Variants in KIAA1217 observed in about 807,000 individuals in gnomAD.
KIAA1217 encodes the protein KIAA1217.
A neutral mutation model predicts 163.9 loss-of-function variants in KIAA1217; 88 were observed. The ratio of observed to expected loss-of-function variants is 0.54; its 90% CI spans 0.45 to 0.64. The LOEUF (loss-of-function observed/expected upper bound fraction) is 0.64, where lower values mean the gene tolerates loss of function less well. Ranked by LOEUF, KIAA1217 falls within the 30% of genes least tolerant of loss-of-function variation. The pLI is 0.00. For missense variants in KIAA1217, 2,372 were observed against 2,475.0 expected (o/e 0.96, Z 0.88); for synonymous variants, 903 against 923.1 (o/e 0.98, Z 0.39).
At chr10:23,975,168 T>C (rs1415561) in intron 1 of KIAA1217, among the ~76,000 whole-genome samples, 36,348 of 152,070 alleles carry the variant, frequency 0.24, 4,696 homozygotes, top group East Asian at 0.47. Flanking sequence ...AGAAACACCA[T>C]GGAAGTCACT....
intron 1 of KIAA1217, among the ~76,000 whole-genome samples, chr10:23,867,131 G>A (rs1840230866): frequency 6.6e-6 from 1 of 151,790 alleles, no homozygotes; most frequent in Admixed American, 6.6e-5. Flanking sequence ...ATAGTTTACT[G>A]AGAATGATGA....
chr10:24,006,623 A>T (rs1847010791), intron 1 of KIAA1217, among the ~76,000 whole-genome samples: 1 of 152,148 alleles, frequency 6.6e-6, no homozygotes, highest in South Asian at 2.1e-4. Flanking sequence ...CATAATTTTG[A>T]AATCTTTAGG....
At position 24,473,928 on chromosome 10, in the gene KIAA1217, G is replaced by C; in HGVS notation, c.1547G>C (p.Gly516Ala). Residue 516 changes from glycine (G) to alanine (A), a missense_variant, in exon 6 of 21, where the codon GGC (glycine) becomes GCC (alanine). Gly to Ala is a moderately conservative substitution (Grantham distance 60, BLOSUM62 0). This residue lies in a region of KIAA1217 where 1,431 missense variants were observed against 1,470.3 expected (regional missense o/e 0.97). Transcript: ENST00000376454. ...CGCCAGGCCTTTAAAAAGGAGCCAG[G>C]CACCTTGGTGTATATAGAAAAGCCA... ...PSRQAFKKEP[G>A]TLVYIEKPRS... 1.9e-6 allele frequency: 3 copies of C among 1,614,160 alleles called. No homozygotes were observed. The highest frequency in any genetic ancestry group is 2.5e-6 in the Non-Finnish European group (3 of 1,180,024).
At chr10:24,414,344 G>C (rs2058054891) in intron 3 of KIAA1217, among the ~76,000 whole-genome samples, 1 of 152,232 alleles carries the variant, frequency 6.6e-6, no homozygotes, top group Non-Finnish European at 1.5e-5. Context: ...AAAGCTGACA[G>C]AATGCACAGA....
intron 1 of KIAA1217, among the ~76,000 whole-genome samples, chr10:23,853,253 G>C (rs183079780): frequency 3.3e-5 from 5 of 152,122 alleles, no homozygotes; most frequent in East Asian, 1.9e-4. Flanking sequence ...AAGGCCTTTT[G>C]TGCATCTATT....
At chr10:24,100,631 C>A (rs2062375840) in intron 2 of KIAA1217, among the ~76,000 whole-genome samples, 1 of 152,158 alleles carries the variant, frequency 6.6e-6, no homozygotes. Flanking sequence ...TAGTTTGTGT[C>A]CTGGCCCAGT....
At chr10:23,711,564 G>T (rs73604411) in intron 1 of KIAA1217, among the ~76,000 whole-genome samples, 21,403 of 152,118 alleles carry the variant, frequency 0.14, 4,448 homozygotes, top group African/African-American at 0.46. Context: ...TTTTGAGCTA[G>T]TAAGTGTGTG....
At chr10:24,339,181 C>A (rs566088411) in intron 2 of KIAA1217, among the ~76,000 whole-genome samples, 1 of 152,236 alleles carries the variant, frequency 6.6e-6, no homozygotes, top group South Asian at 2.1e-4. Flanking sequence ...CTCTAATTAA[C>A]CTCGTTTTGT....
Position 24,406,392 on chromosome 10 carries a change from A to AACACACACACACACAC in KIAA1217, c.553+25338_553+25353dup, listed in dbSNP as rs34564889. 1.5e-3 allele frequency among the ~76,000 whole-genome samples: 196 copies of AACACACACACACACAC among 133,876 alleles called. 1 individual carries two copies. The highest frequency in any genetic ancestry group is 5.9e-3 in the African/African-American group (173 of 29,402). The allele number at this position is 133,876 out of a possible 152,430, so 87.8% of individuals were successfully genotyped here. On this transcript the variant is annotated intron_variant, in intron 3 of 20. Coordinates refer to ENST00000376454, the MANE Select transcript of KIAA1217 (RefSeq NM_019590.5). Reference sequence around the variant, plus strand: ...ATATGCAAAGGTACATTCACACACAAACACACACACACACACACACACACA... The same window carrying AACACACACACACACAC: ...ATATGCAAAGGTACATTCACACACAAACACACACACACACACACACACACACACACACACACACACA...
chr10:23,857,189 G>C (rs185741739), intron 1 of KIAA1217, among the ~76,000 whole-genome samples: 1 of 152,270 alleles, frequency 6.6e-6, no homozygotes, highest in Non-Finnish European at 1.5e-5. Context: ...TATGAAATTT[G>C]GGTAGGGATG....
At chr10:24,533,687 G>A (rs955008844) in intron 16 of KIAA1217, among the ~76,000 whole-genome samples, 1 of 152,166 alleles carries the variant, frequency 6.6e-6, no homozygotes, top group Non-Finnish European at 1.5e-5. Context: ...CTGGCCTCCT[G>A]TGGTCCATAA....
At chr10:23,952,680 G>A (rs1400092091) in intron 1 of KIAA1217, among the ~76,000 whole-genome samples, 2 of 152,184 alleles carry the variant, frequency 1.3e-5, no homozygotes, top group Non-Finnish European at 2.9e-5. Context: ...CCTGTAAAAT[G>A]GGAATGGTAA....
chr10:24,146,799 A>C (rs1425600630), intron 2 of KIAA1217, among the ~76,000 whole-genome samples: 1 of 152,192 alleles, frequency 6.6e-6, no homozygotes, highest in African/African-American at 2.4e-5. Flanking sequence ...CACCTCCCAA[A>C]TATCCCTCTA....
chr10:23,994,737 T>C (rs1846389041), intron 1 of KIAA1217, among the ~76,000 whole-genome samples: 1 of 152,236 alleles, frequency 6.6e-6, no homozygotes, highest in Non-Finnish European at 1.5e-5. Context: ...TTTTCTGTCC[T>C]TGAACCGGAG....
chr10:24,069,269 T>C (rs1351770529), intron 2 of KIAA1217, among the ~76,000 whole-genome samples: 1 of 152,180 alleles, frequency 6.6e-6, no homozygotes, highest in Non-Finnish European at 1.5e-5. Flanking sequence ...ATGTTCGACA[T>C]GTGGTTCAAC....
chr10:23,833,431 C>G (rs1312303077), intron 1 of KIAA1217, among the ~76,000 whole-genome samples: 2 of 149,440 alleles, frequency 1.3e-5, no homozygotes, highest in Non-Finnish European at 3.0e-5. Context: ...TGCAGTGAGC[C>G]AAGATCATGC....
At chr10:23,809,478 G>A (rs1836888687) in intron 1 of KIAA1217, among the ~76,000 whole-genome samples, 1 of 151,814 alleles carries the variant, frequency 6.6e-6, no homozygotes, top group Non-Finnish European at 1.5e-5. Flanking sequence ...TAAGGAAAGT[G>A]ATTAATTCAA....
chr10:24,105,950 G>A (rs183384500), intron 2 of KIAA1217, among the ~76,000 whole-genome samples: 6 of 152,306 alleles, frequency 3.9e-5, no homozygotes, highest in Admixed American at 1.3e-4. Context: ...TTCCCAGGGC[G>A]TGGGGAGTCA....
intron 2 of KIAA1217, among the ~76,000 whole-genome samples, chr10:24,335,437 C>A (rs755816005): frequency 5.3e-5 from 8 of 151,604 alleles, no homozygotes; most frequent in Non-Finnish European, 1.0e-4. Context: ...AGATTACAGG[C>A]AGGTACCACC....
Sources: gnomAD v4.1 joint callset for allele counts (sites outside exome capture counted in the v4.1 genomes callset) on GRCh38, gnomAD v4.1.1 for gene constraint, gnomAD v4.1.1 regional missense constraint, MANE v1.5 for transcripts, NCBI Gene and HGNC (gene_info 2026-07-23, HGNC 2026-07-21) for gene names.